Variants in PRKCA observed in about 807,000 individuals in gnomAD.
PRKCA encodes the protein protein kinase C alpha, also known as protein kinase C alpha type.
In PRKCA, 27 loss-of-function variants were observed where a neutral mutation model predicts 87.0. That is an observed-to-expected ratio of 0.31 (90% confidence interval 0.23 to 0.43). PRKCA has a LOEUF of 0.43. PRKCA is among the 20% of genes least tolerant of loss of function. The pLI is 1.00. For missense variants in PRKCA, 518 were observed against 852.3 expected (o/e 0.61, Z 4.88); for synonymous variants, 329 against 311.1 (o/e 1.06, Z -0.61).
intron 3 of PRKCA, among the ~76,000 whole-genome samples, chr17:66,525,686 G>A (rs1967323111): frequency 6.6e-6 from 1 of 152,112 alleles, no homozygotes. Context: ...GTTTCATTCT[G>A]GGGGACTGAC....
intron 2 of PRKCA, among the ~76,000 whole-genome samples, chr17:66,460,590 C>T (rs1156481874): frequency 2.6e-5 from 4 of 152,164 alleles, no homozygotes; most frequent in East Asian, 1.9e-4. Flanking sequence ...CTGCTCATTA[C>T]GTTTTAGTGG....
intron 13 of PRKCA, among the ~76,000 whole-genome samples, chr17:66,771,681 C>T (rs1267874458): frequency 5.3e-5 from 8 of 152,054 alleles, no homozygotes; most frequent in Admixed American, 1.3e-4. Flanking sequence ...TTGCAACCTC[C>T]ACCTCCCGGG....
intron 5 of PRKCA, among the ~76,000 whole-genome samples, chr17:66,672,249 C>T (rs1972208450): frequency 6.6e-6 from 1 of 152,186 alleles, no homozygotes; most frequent in South Asian, 2.1e-4. Flanking sequence ...ATCTCAACAA[C>T]TCTTCTAACA....
intron 8 of PRKCA, 63 bp from the exon 9 acceptor site, chr17:66,732,625 G>A (rs1037491897): frequency 1.9e-5 from 31 of 1,602,142 alleles, no homozygotes; most frequent in Non-Finnish European, 2.6e-5. Flanking sequence ...CAACACGGTG[G>A]TTTCTGTCAC....
At chr17:66,762,907 C>T (rs1974718193) in intron 13 of PRKCA, among the ~76,000 whole-genome samples, 4 of 152,240 alleles carry the variant, frequency 2.6e-5, no homozygotes, top group Non-Finnish European at 2.9e-5. Context: ...TCTCCTGCCT[C>T]AGCCTCCCAA....
intron 2 of PRKCA, among the ~76,000 whole-genome samples, chr17:66,320,957 A>G (rs1598589120): frequency 6.6e-6 from 1 of 152,340 alleles, no homozygotes; most frequent in African/African-American, 2.4e-5. Flanking sequence ...CTCTATCCTT[A>G]AAATTGAAAT....
At chr17:66,709,459 A>C (rs901262908) in intron 8 of PRKCA, among the ~76,000 whole-genome samples, 22 of 151,468 alleles carry the variant, frequency 1.5e-4, no homozygotes, top group Non-Finnish European at 2.5e-4. Context: ...TACAGGCTTG[A>C]GCCACCACAC....
At position 66,500,595 on chromosome 17, in the gene PRKCA, ATC is replaced by A. The variant is rs558468240; in HGVS notation, c.288+4316_288+4317del. ...ATGATCTGGGGTACTGTCATATGTTATCTCTTGAGTATCCAGTGGGCTTGTGG... is the reference window on the plus strand; with the variant it reads ...ATGATCTGGGGTACTGTCATATGTTATCTTGAGTATCCAGTGGGCTTGTGG... On this transcript the variant is annotated intron_variant, in intron 3 of 16. Transcript: ENST00000413366. Among the ~76,000 whole-genome samples the A allele has an allele frequency of 1.4e-3, 220 of 152,300 alleles. 4 individuals are homozygous for A. The highest frequency in any genetic ancestry group is 0.013 in the Admixed American group (203 of 15,298).
intron 2 of PRKCA, among the ~76,000 whole-genome samples, chr17:66,358,178 A>G (rs993221037): frequency 6.6e-6 from 1 of 152,008 alleles, no homozygotes; most frequent in Non-Finnish European, 1.5e-5. Context: ...TTAAGCCCAA[A>G]AAGTTTATTA....
intron 3 of PRKCA, among the ~76,000 whole-genome samples, chr17:66,549,849 G>A (rs909467318): frequency 6.6e-6 from 1 of 152,048 alleles, no homozygotes; most frequent in African/African-American, 2.4e-5. Context: ...AATTGTGATG[G>A]CACAGAATTC....
chr17:66,409,223 G>A lies in PRKCA; in HGVS notation c.206-86978G>A, dbSNP rs375668018. ...CTGGGATGGGATGGAGGCAGGGGGT[G>A]AATAAGACTTAGGGGTTCGTTCTCC... On this transcript the variant is annotated intron_variant, in intron 2 of 16. Transcript: ENST00000413366. Among the ~76,000 whole-genome samples the A allele has an allele frequency of 2.6e-5, 4 of 152,018 alleles. No homozygotes were observed. In the East Asian group the frequency reaches 5.8e-4, roughly 22 times the overall value.
At position 66,804,979 on chromosome 17, in the gene PRKCA, C is replaced by T. The variant is rs929212124; in HGVS notation, c.*942C>T. 2.0e-6 allele frequency: 2 copies of T among 984,694 alleles called. No individual in the cohort carries two copies. The highest frequency in any genetic ancestry group is 2.3e-4 in the East Asian group (2 of 8,814). The allele number at this position is 984,694 out of a possible 1,614,324, so 61.0% of individuals were successfully genotyped here. ...CTTCTCAAGAAGCTGAAGTGTACGC[C>T]CTCTCCCCTTTTGTGCTTATTTATT... On this transcript the variant is annotated 3_prime_UTR_variant, in exon 17 of 17. Coordinates refer to ENST00000413366, the MANE Select transcript of PRKCA (RefSeq NM_002737.3).
At chr17:66,611,146 A>G (rs1281552400) in intron 3 of PRKCA, among the ~76,000 whole-genome samples, 1 of 152,190 alleles carries the variant, frequency 6.6e-6, no homozygotes, top group Non-Finnish European at 1.5e-5. Context: ...AATATTTCTT[A>G]TTATATCCCA....
At chr17:66,411,146 A>C (rs769509809) in intron 2 of PRKCA, among the ~76,000 whole-genome samples, 2 of 151,740 alleles carry the variant, frequency 1.3e-5, no homozygotes, top group African/African-American at 2.4e-5. Context: ...GTCATGGCTC[A>C]CTGCAGCCTC....
At chr17:66,642,525 GT>G (rs1396895791) in intron 4 of PRKCA, among the ~76,000 whole-genome samples, 1 of 152,124 alleles carries the variant, frequency 6.6e-6, no homozygotes, top group Non-Finnish European at 1.5e-5. Context: ...TGCCGAGCCT[GT>G]TTTTCTAATA....
At chr17:66,322,762 C>A (rs1437210947) in intron 2 of PRKCA, among the ~76,000 whole-genome samples, 6 of 151,860 alleles carry the variant, frequency 4.0e-5, no homozygotes, top group Non-Finnish European at 1.5e-5. Flanking sequence ...TGAGCCACTG[C>A]ACCTGGCTAG....
At chr17:66,683,216 T>A (rs1972536444) in intron 5 of PRKCA, among the ~76,000 whole-genome samples, 1 of 152,244 alleles carries the variant, frequency 6.6e-6, no homozygotes, top group African/African-American at 2.4e-5. Context: ...TGGCAAACAA[T>A]CTTGGTTTTC....
intron 3 of PRKCA, among the ~76,000 whole-genome samples, chr17:66,565,736 A>C (rs984106882): frequency 3.2e-4 from 49 of 151,030 alleles, no homozygotes; most frequent in African/African-American, 1.2e-3. Flanking sequence ...TTCTGTTCCA[A>C]GTCCCTGTGT....
At chr17:66,578,167 C>G (rs1969301113) in intron 3 of PRKCA, among the ~76,000 whole-genome samples, 1 of 151,770 alleles carries the variant, frequency 6.6e-6, no homozygotes, top group Admixed American at 6.6e-5. Flanking sequence ...AAACAGCCCT[C>G]ATTGTCTCCC....
Sources: gnomAD v4.1 joint callset for allele counts (sites outside exome capture counted in the v4.1 genomes callset) on GRCh38, gnomAD v4.1.1 for gene constraint, MANE v1.5 for transcripts, NCBI Gene and HGNC (gene_info 2026-07-23, HGNC 2026-07-21) for gene names.